Variants in USO1 observed in about 807,000 individuals in gnomAD.
The protein encoded by USO1 is USO1 vesicle transport factor.
Under a neutral mutation model 124.5 loss-of-function variants are expected in USO1, and 57 were observed. The observed-to-expected ratio is 0.46, with a 90% CI of 0.37 to 0.57. The LOEUF (loss-of-function observed/expected upper bound fraction) is 0.57. Ranked by LOEUF, USO1 falls within the 20% of genes least tolerant of loss-of-function variation. The pLI is 0.00. For missense variants in USO1, 900 were observed against 1,040.6 expected (o/e 0.86, Z 1.86); for synonymous variants, 369 against 362.8 (o/e 1.02, Z -0.19).
At chr4:75,769,055 A>C (rs1157315470) in intron 4 of USO1, among the ~76,000 whole-genome samples, 1 of 152,164 alleles carries the variant, frequency 6.6e-6, no homozygotes, top group African/African-American at 2.4e-5. Flanking sequence ...AAAGCTTGGA[A>C]TCACTCTTCC....
chr4:75,783,565 A>G (rs974162870), intron 9 of USO1, among the ~76,000 whole-genome samples: 1 of 152,216 alleles, frequency 6.6e-6, no homozygotes, highest in African/African-American at 2.4e-5. Flanking sequence ...TTATGAACTC[A>G]TAATTCTTGT....
At chr4:75,745,921 CG>C (rs958689123) in intron 1 of USO1, among the ~76,000 whole-genome samples, 9 of 150,498 alleles carry the variant, frequency 6.0e-5, no homozygotes, top group African/African-American at 1.5e-4. Flanking sequence ...AAAAAAAAAA[CG>C]AAAAAAACAG....
In USO1 at chr4:75,813,421, T is replaced by C. The variant is rs1210212245; in HGVS notation, c.*126T>C. On this transcript the variant is annotated 3_prime_UTR_variant, in exon 24 of 24. Transcript: ENST00000514213. ...TGGAAAACATTCACTATTAAGACTA[T>C]TGATATATTTTTGTAATGTTGCCAC... 8 of 1,056,140 alleles carry C rather than the reference T, an allele frequency of 7.6e-6. No individual in the cohort carries two copies. In the African/African-American group the frequency reaches 1.3e-4, roughly 17 times the overall value. The allele number at this position is 1,056,140 out of a possible 1,614,324, so 65.4% of individuals were successfully genotyped here.
In USO1 at chr4:75,744,116, G is replaced by A. The variant is rs554332542; in HGVS notation, c.67-8257G>A. Among the ~76,000 whole-genome samples the A allele has an allele frequency of 5.3e-5, 8 of 152,178 alleles. No individual in the cohort carries two copies. The East Asian group carries it at 1.5e-3, about 29-fold the overall frequency. ...TTTATTAGATCCAACAGCCATAAAAGTATCCATTGTCTATAGAGGTTTCTA... is the reference window on the plus strand; with the variant it reads ...TTTATTAGATCCAACAGCCATAAAAATATCCATTGTCTATAGAGGTTTCTA... On this transcript the variant is annotated intron_variant, in intron 1 of 23. Coordinates refer to ENST00000514213, the MANE Select transcript of USO1 (RefSeq NM_003715.4).
At chr4:75,776,034 A>G (rs1319992286) in intron 8 of USO1, among the ~76,000 whole-genome samples, 1 of 152,224 alleles carries the variant, frequency 6.6e-6, no homozygotes, top group Non-Finnish European at 1.5e-5. Context: ...AGCTTAGAGA[A>G]AGAAGACTTT....
intron 17 of USO1, among the ~76,000 whole-genome samples, chr4:75,802,278 A>C (rs1722872304): frequency 6.6e-6 from 1 of 152,208 alleles, no homozygotes; most frequent in Admixed American, 6.5e-5. Flanking sequence ...AGGATTTTTC[A>C]TCTATATCTG....
chr4:75,781,364 A>G (rs1213428157), intron 8 of USO1, among the ~76,000 whole-genome samples: 1 of 152,210 alleles, frequency 6.6e-6, no homozygotes, highest in Non-Finnish European at 1.5e-5. Context: ...TGAAATGACA[A>G]CAAAGGATTT....
At chr4:75,761,330 T>G (rs1721600467) in intron 4 of USO1, among the ~76,000 whole-genome samples, 1 of 152,172 alleles carries the variant, frequency 6.6e-6, no homozygotes, top group Non-Finnish European at 1.5e-5. Context: ...GAAAACTGCT[T>G]GAGCCCAGGA....
intron 1 of USO1, among the ~76,000 whole-genome samples, chr4:75,735,231 C>G (rs1720755096): frequency 6.6e-6 from 1 of 152,080 alleles, no homozygotes; most frequent in East Asian, 1.9e-4. Flanking sequence ...TGATTTGGCT[C>G]TCAGCTTGAA....
chr4:75,788,180 T>TA (rs747618322), intron 10 of USO1, among the ~76,000 whole-genome samples: 14,002 of 147,942 alleles, frequency 0.095, 793 homozygotes, highest in Middle Eastern at 0.15. Flanking sequence ...TATTTTTTTT[T>TA]TTTTTTGTAC....
At chr4:75,778,502 C>T (rs324705) in intron 8 of USO1, among the ~76,000 whole-genome samples, 122,046 of 152,072 alleles carry the variant, frequency 0.8, 49,170 homozygotes, top group East Asian at 0.99. Flanking sequence ...AGTGGACCCA[C>T]GCAGTTCAAA....
intron 16 of USO1, 35 bp from the exon 17 acceptor site, chr4:75,801,044 T>C (rs1189369270): frequency 1.3e-6 from 2 of 1,486,112 alleles, no homozygotes; most frequent in Non-Finnish European, 1.8e-6. Flanking sequence ...ATTTAAAACA[T>C]TTAAAACAAA....
At chr4:75,734,282 G>A (rs1420375545) in intron 1 of USO1, among the ~76,000 whole-genome samples, 2 of 151,996 alleles carry the variant, frequency 1.3e-5, no homozygotes, top group African/African-American at 4.8e-5. Context: ...TTATATTTAT[G>A]TCTTTAATCC....
intron 1 of USO1, among the ~76,000 whole-genome samples, chr4:75,732,975 G>A (rs1720680324): frequency 1.4e-5 from 2 of 145,428 alleles, no homozygotes; most frequent in Non-Finnish European, 3.0e-5. Context: ...AATCACGTCT[G>A]TAGGGCCGGG....
chr4:75,764,014 T>C (rs893419585), intron 4 of USO1, among the ~76,000 whole-genome samples: 1 of 152,186 alleles, frequency 6.6e-6, no homozygotes, highest in Non-Finnish European at 1.5e-5. Flanking sequence ...GACTGTAACT[T>C]AAAAGAAATG....
chr4:75,810,278 G>C (rs1435592989), intron 21 of USO1, among the ~76,000 whole-genome samples, 154 bp from the exon 22 acceptor site: 2 of 152,156 alleles, frequency 1.3e-5, no homozygotes, highest in Non-Finnish European at 2.9e-5. Flanking sequence ...TCTGACAGTG[G>C]AGAGCACTTT....
At chr4:75,800,287 C>A in intron 14 of USO1, 64 bp from the exon 15 acceptor site, 1 of 1,509,838 alleles carries the variant, frequency 6.6e-7, no homozygotes. Flanking sequence ...TAATGTATGT[C>A]AAATTCAAAT....
chr4:75,812,182 A>G lies in USO1; in HGVS notation c.2606A>G (p.Glu869Gly), dbSNP rs748206988. The G allele has an allele frequency of 4.8e-5, 77 of 1,606,090 alleles. No individual in the cohort carries two copies. The highest frequency in any genetic ancestry group is 5.9e-5 in the Non-Finnish European group (69 of 1,176,216). Residue 869 changes from glutamate to glycine, a missense_variant, in exon 23 of 24, where the codon GAG becomes GGG. Physicochemically the swap from Glu to Gly is moderately conservative, Grantham distance 98. This residue lies in a region of USO1 where 362 missense variants were observed against 359.0 expected (regional missense o/e 1.01). Coordinates refer to ENST00000514213, the MANE Select transcript of USO1 (RefSeq NM_003715.4). ...TAGAATGAAATTAAAGCTCTGTCTGAGGAAAGAACTGCCATTAAAGAGCAG... is the reference window on the plus strand; with the variant it reads ...TAGAATGAAATTAAAGCTCTGTCTGGGGAAAGAACTGCCATTAAAGAGCAG... ...ELKNEIKALSEERTAIKEQLD... is the reference protein window; with the variant it reads ...ELKNEIKALSGERTAIKEQLD...
At chr4:75,790,575 A>G in intron 11 of USO1, 68 bp from the exon 12 acceptor site, 1 of 1,529,762 alleles carries the variant, frequency 6.5e-7, no homozygotes, top group Non-Finnish European at 8.7e-7. Flanking sequence ...AACAAAAATG[A>G]CTAGTTATTG....
Sources: allele counts gnomAD v4.1 joint callset (sites outside exome capture counted in the v4.1 genomes callset), GRCh38; gene constraint gnomAD v4.1.1; regional missense constraint gnomAD v4.1.1; transcripts MANE v1.5; gene names NCBI Gene and HGNC (gene_info 2026-07-23, HGNC 2026-07-21).